FMNL2: variants seen among roughly 807,000 people sequenced by gnomAD.
FMNL2 encodes the protein formin-like protein 2.
A neutral mutation model predicts 130.2 loss-of-function variants in FMNL2; 51 were observed. The observed-to-expected ratio is 0.39, with a 90% CI of 0.31 to 0.49. FMNL2 has a LOEUF of 0.49. Ranked by LOEUF, FMNL2 falls within the 20% of genes least tolerant of loss-of-function variation. FMNL2 has a pLI of 0.85. For synonymous variants in FMNL2, 465 were observed against 467.1 expected (o/e 1.00, Z 0.06); for missense variants, 977 against 1,316.2 (o/e 0.74, Z 3.99).
At chr2:152,483,092 T>C (rs1310831629) in intron 1 of FMNL2, among the ~76,000 whole-genome samples, 1 of 152,196 alleles carries the variant, frequency 6.6e-6, no homozygotes, top group Admixed American at 6.5e-5. Context: ...CTTGTGTCTA[T>C]TAATATGAAT....
At chr2:152,531,329 G>A (rs1693673744) in intron 2 of FMNL2, among the ~76,000 whole-genome samples, 2 of 152,062 alleles carry the variant, frequency 1.3e-5, no homozygotes, top group Admixed American at 6.5e-5. Flanking sequence ...TGAAAGTTTG[G>A]CTTAATGATT....
intron 21 of FMNL2, 62 bp from the exon 22 acceptor site, chr2:152,636,365 A>C (rs1042909880): frequency 2.6e-6 from 4 of 1,530,184 alleles, no homozygotes; most frequent in African/African-American, 1.4e-5. Flanking sequence ...CCCAGCAGCC[A>C]GATTCGCTGT....
Position 152,648,151 on chromosome 2 carries a change from T to C in FMNL2, c.*246T>C. On this transcript the variant is annotated 3_prime_UTR_variant, in exon 26 of 26. Coordinates refer to ENST00000288670, the MANE Select transcript of FMNL2 (RefSeq NM_052905.4). ...GGATTTGATTTGATTAGGTATCTTTTTACACCAGTATGTTATTTTTAACCA... is the reference window on the plus strand; with the variant it reads ...GGATTTGATTTGATTAGGTATCTTTCTACACCAGTATGTTATTTTTAACCA... 2.3e-6 allele frequency: 1 copy of C among 442,284 alleles called. No individual in the cohort carries two copies. The highest frequency in any genetic ancestry group is 3.8e-5 in the East Asian group (1 of 26,060). 27.4% of individuals were successfully genotyped at this position (442,284 alleles called of 1,614,324 possible).
chr2:152,346,550 T>G (rs960752019), intron 1 of FMNL2, among the ~76,000 whole-genome samples: 1 of 151,960 alleles, frequency 6.6e-6, no homozygotes, highest in Admixed American at 6.5e-5. Context: ...TCCTAGCTAC[T>G]TGGGAGGCTG....
chr2:152,523,420 C>T (rs1052300436), intron 2 of FMNL2, among the ~76,000 whole-genome samples: 7 of 152,060 alleles, frequency 4.6e-5, no homozygotes, highest in African/African-American at 1.4e-4. Flanking sequence ...TCATCCATGG[C>T]TTCATCTCAT....
At chr2:152,593,911 GA>G (rs1697612756) in intron 9 of FMNL2, among the ~76,000 whole-genome samples, 1 of 141,866 alleles carries the variant, frequency 7.0e-6, no homozygotes, top group South Asian at 2.2e-4. Flanking sequence ...GTGAGAGAGA[GA>G]GAGAGAGAGA....
intron 6 of FMNL2, among the ~76,000 whole-genome samples, chr2:152,569,680 CAAAAA>C (rs35114358): frequency 2.3e-4 from 24 of 104,498 alleles, no homozygotes; most frequent in Admixed American, 2.2e-4. Context: ...GACCCTGTCT[CAAAAA>C]AAAAAAAAAA....
chr2:152,609,880 G>C (rs1247729683), intron 10 of FMNL2, among the ~76,000 whole-genome samples: 3 of 152,198 alleles, frequency 2.0e-5, no homozygotes, highest in African/African-American at 7.2e-5. Context: ...AGACTCTCCT[G>C]GGTGACAGCC....
intron 5 of FMNL2, among the ~76,000 whole-genome samples, chr2:152,559,614 T>A (rs1012346956): frequency 6.6e-6 from 1 of 152,152 alleles, no homozygotes; most frequent in Non-Finnish European, 1.5e-5. Context: ...CTAGAAGCAC[T>A]CATTTCTATG....
intron 1 of FMNL2, among the ~76,000 whole-genome samples, chr2:152,509,831 G>A (rs1379796371): frequency 4.4e-5 from 6 of 135,256 alleles, no homozygotes; most frequent in Admixed American, 1.7e-4. Context: ...ATGCAGCCTC[G>A]AGCTCATGGC....
chr2:152,526,098 G>T (rs973907090), intron 2 of FMNL2, among the ~76,000 whole-genome samples: 3 of 151,788 alleles, frequency 2.0e-5, no homozygotes, highest in African/African-American at 2.4e-5. Context: ...TATTTTTTTT[G>T]AAAGTGTTCA....
At chr2:152,581,854 C>T (rs1345208881) in intron 9 of FMNL2, among the ~76,000 whole-genome samples, 1 of 152,190 alleles carries the variant, frequency 6.6e-6, no homozygotes, top group Non-Finnish European at 1.5e-5. Flanking sequence ...GTGTGTTATG[C>T]TAGAAGTCCC....
intron 1 of FMNL2, among the ~76,000 whole-genome samples, chr2:152,345,388 C>T (rs1682058274): frequency 6.6e-6 from 1 of 152,046 alleles, no homozygotes; most frequent in Non-Finnish European, 1.5e-5. Context: ...TAGAAGGAAG[C>T]ATTATGATAA....
intron 9 of FMNL2, among the ~76,000 whole-genome samples, chr2:152,590,613 T>TC (rs1352277720): frequency 8.6e-5 from 13 of 151,742 alleles, no homozygotes; most frequent in African/African-American, 3.1e-4. Flanking sequence ...GACTCTGTCT[T>TC]TAAAAAAAAA....
At chr2:152,466,169 G>A (rs1689522420) in intron 1 of FMNL2, among the ~76,000 whole-genome samples, 1 of 152,214 alleles carries the variant, frequency 6.6e-6, no homozygotes, top group African/African-American at 2.4e-5. Context: ...AAACCATGCA[G>A]CACTTTATAG....
At chr2:152,341,378 A>G (rs1401900488) in intron 1 of FMNL2, among the ~76,000 whole-genome samples, 1 of 152,228 alleles carries the variant, frequency 6.6e-6, no homozygotes, top group Non-Finnish European at 1.5e-5. Flanking sequence ...AAGTTGATCA[A>G]ATGCAAATGT....
chr2:152,340,548 T>A (rs1036871882), intron 1 of FMNL2, among the ~76,000 whole-genome samples: 1 of 152,250 alleles, frequency 6.6e-6, no homozygotes, highest in Non-Finnish European at 1.5e-5. Flanking sequence ...GCTCTTCAGT[T>A]TTTCTTTTCA....
At chr2:152,506,476 T>C (rs1197758371) in intron 1 of FMNL2, among the ~76,000 whole-genome samples, 1 of 152,254 alleles carries the variant, frequency 6.6e-6, no homozygotes, top group East Asian at 1.9e-4. Flanking sequence ...TTATACTATA[T>C]TGTTTAGCGA....
intron 1 of FMNL2, among the ~76,000 whole-genome samples, chr2:152,486,114 G>C (rs539845573): frequency 2.6e-5 from 4 of 152,162 alleles, no homozygotes. Flanking sequence ...TGGGAACTGA[G>C]CTCAAGTGGA....
Sources: allele counts gnomAD v4.1 joint callset (sites outside exome capture counted in the v4.1 genomes callset), GRCh38; gene constraint gnomAD v4.1.1; transcripts MANE v1.5; gene names NCBI Gene and HGNC (gene_info 2026-07-23, HGNC 2026-07-21).